The following FSD1L variants were observed in gnomAD, a reference collection of about 807,000 sequenced individuals.
The protein encoded by FSD1L is fibronectin type III and SPRY domain containing 1 like.
In FSD1L, 45 loss-of-function variants were observed where a neutral mutation model predicts 71.6. The observed-to-expected ratio is 0.63, with a 90% confidence interval of 0.49 to 0.81. The LOEUF is 0.81. Ranked by LOEUF, FSD1L falls within the 30% of genes least tolerant of loss-of-function variation. The probability of loss-of-function intolerance (pLI) is 0.00; values close to 1 mark genes in which losing one functional copy is unlikely to be tolerated. For synonymous variants in FSD1L, 197 were observed against 207.2 expected (o/e 0.95, Z 0.42); for missense variants, 561 against 618.1 (o/e 0.91, Z 0.98).
At chr9:105,505,904 A>T (rs779064951) in intron 7 of FSD1L, among the ~76,000 whole-genome samples, 1 of 152,244 alleles carries the variant, frequency 6.6e-6, no homozygotes, top group Non-Finnish European at 1.5e-5. Flanking sequence ...TATGTCTTTC[A>T]TGGAAAAGAA....
In FSD1L at chr9:105,522,861, G is replaced by A. The variant is rs962734120; in HGVS notation, c.1025+9925G>A. The A allele has an allele frequency of 4.4e-6, 7 of 1,607,910 alleles. No homozygotes were observed. The African/African-American group carries it at 6.7e-5, about 15-fold the overall frequency. The stretch of plus-strand genomic sequence containing the variant: ...TCCAGGCAGCCTGGAAATTCCCAAA[G>A]ACCTCCCTGATATTCTAAACAAGCA... On this transcript the variant is annotated intron_variant, in intron 10 of 13. Coordinates refer to ENST00000481272, the MANE Select transcript of FSD1L (RefSeq NM_001145313.3).
Position 105,512,944 on chromosome 9 carries a change from A to G in FSD1L, c.1025+8A>G, listed in dbSNP as rs1213140064. ...AAAAGAGAACAAGGGCAGGTAAGCT[A>G]GACCATTAAATCTGCCATATGGACA... On this transcript the variant is annotated splice_region_variant and intron_variant, in intron 10 of 13. Transcript: ENST00000481272. 2.6e-6 allele frequency: 4 copies of G among 1,512,352 alleles called. No individual in the cohort carries two copies. In the East Asian group the frequency reaches 7.5e-5, roughly 28 times the overall value. The allele number at this position is 1,512,352 out of a possible 1,614,324, so 93.7% of individuals were successfully genotyped here.
intron 1 of FSD1L, among the ~76,000 whole-genome samples, chr9:105,453,848 G>A (rs959491528): frequency 6.6e-6 from 1 of 152,086 alleles, no homozygotes; most frequent in African/African-American, 2.4e-5. Flanking sequence ...TCTTAGGGTG[G>A]AAAATATTTT....
chr9:105,536,799 G>A (rs1233111954), intron 12 of FSD1L, among the ~76,000 whole-genome samples: 14 of 151,968 alleles, frequency 9.2e-5, no homozygotes, highest in Admixed American at 9.2e-4. Flanking sequence ...ACCACGCCTG[G>A]CTAATTTTTG....
rs1332329846 is a variant in FSD1L at position 105,528,262 on chromosome 9, ACTTT to A, written c.1026-6227_1026-6224del. 3.3e-5 allele frequency among the ~76,000 whole-genome samples: 5 copies of A among 152,340 alleles called. No individual in the cohort carries two copies. In the East Asian group the frequency reaches 5.8e-4, roughly 18 times the overall value. On this transcript the variant is annotated intron_variant, in intron 10 of 13. Coordinates refer to ENST00000481272, the MANE Select transcript of FSD1L (RefSeq NM_001145313.3). The stretch of plus-strand genomic sequence containing the variant: ...CGCTATTCCCATCAAGCTACCATTG[ACTTT>A]CTTCACAGAATTGGAAAAAGCTACT...
At chr9:105,513,685 AT>A in intron 10 of FSD1L, 2 of 1,404,494 alleles carry the variant, frequency 1.4e-6, no homozygotes, top group Non-Finnish European at 1.9e-6. Context: ...AGCTTGGCTG[AT>A]TAAAAAAACT....
intron 1 of FSD1L, among the ~76,000 whole-genome samples, chr9:105,461,178 C>A (rs1425699498): frequency 1.3e-5 from 2 of 152,076 alleles, no homozygotes; most frequent in Admixed American, 6.5e-5. Context: ...AGGATCTCTG[C>A]CCTATTTCCA....
chr9:105,500,490 C>T (rs533119211), intron 7 of FSD1L, among the ~76,000 whole-genome samples: 31 of 152,252 alleles, frequency 2.0e-4, no homozygotes, highest in African/African-American at 7.0e-4. Context: ...TGGATATTTC[C>T]CTTTCCCCAG....
In FSD1L at chr9:105,486,587, G is replaced by A. The variant is rs1832563498; in HGVS notation, c.586+2085G>A. Among the ~76,000 whole-genome samples the A allele has an allele frequency of 2.0e-5, 3 of 152,080 alleles. No homozygotes were observed. The South Asian group carries it at 6.2e-4, about 31-fold the overall frequency. ...TGTTTAGAAGTCACATTAACCATAT[G>A]TCTCTACTTACCACCAGTATGACCC... On this transcript the variant is annotated intron_variant, in intron 7 of 13. Transcript: ENST00000481272.
chr9:105,447,583 C>T (rs575467740), upstream of FSD1L, among the ~76,000 whole-genome samples: 25 of 152,158 alleles, frequency 1.6e-4, no homozygotes, highest in Non-Finnish European at 3.2e-4. Context: ...GTTTCCGCCA[C>T]TCTCATCCCT....
intron 10 of FSD1L, chr9:105,522,898 G>A (rs1023335503): frequency 2.2e-5 from 35 of 1,609,054 alleles, no homozygotes; most frequent in East Asian, 1.8e-4. Flanking sequence ...AACCAGATGC[G>A]CCCTATTGAT....
At chr9:105,468,418 T>A in intron 4 of FSD1L, 94 bp downstream of exon 4, 1 of 944,798 alleles carries the variant, frequency 1.1e-6, no homozygotes, top group Non-Finnish European at 1.5e-6. Flanking sequence ...TAAGTATAAC[T>A]ATACCCTTAC....
At chr9:105,492,077 C>T (rs573387395) in intron 7 of FSD1L, among the ~76,000 whole-genome samples, 1 of 152,036 alleles carries the variant, frequency 6.6e-6, no homozygotes, top group South Asian at 2.1e-4. Flanking sequence ...GGAATGGTAC[C>T]AGTTCCTCCT....
At chr9:105,529,098 T>C (rs1044850687) in intron 10 of FSD1L, among the ~76,000 whole-genome samples, 3 of 152,162 alleles carry the variant, frequency 2.0e-5, no homozygotes, top group African/African-American at 4.8e-5. Flanking sequence ...AGAATGGCGA[T>C]CATGAAAAAG....
intron 7 of FSD1L, among the ~76,000 whole-genome samples, chr9:105,503,427 C>G (rs897434207): frequency 6.6e-6 from 1 of 152,140 alleles, no homozygotes; most frequent in Non-Finnish European, 1.5e-5. Context: ...ATGACAATTA[C>G]AAAGTCATTA....
chr9:105,541,898 C>T (rs1034194920), intron 13 of FSD1L, among the ~76,000 whole-genome samples: 11 of 152,174 alleles, frequency 7.2e-5, no homozygotes, highest in Non-Finnish European at 8.8e-5. Flanking sequence ...TGTAGCCTTT[C>T]GATTCCGTAC....
In FSD1L at chr9:105,549,236, A is replaced by T. The variant is rs1837168479; in HGVS notation, c.*2753A>T. On this transcript the variant is annotated 3_prime_UTR_variant, in exon 14 of 14. Coordinates refer to ENST00000481272, the MANE Select transcript of FSD1L (RefSeq NM_001145313.3). ...AGTTGTTTTCTAAAAACATGCATTT[A>T]GTATGGCATTCTCTTTTAGCAACTG... The T allele has an allele frequency of 6.6e-6, 1 of 152,098 alleles. No homozygotes were observed. The highest frequency in any genetic ancestry group is 2.4e-5 in the African/African-American group (1 of 41,446). The allele number at this position is 152,098 out of a possible 1,614,324, so 9.4% of individuals were successfully genotyped here.
chr9:105,489,856 A>T (rs1832805276), intron 7 of FSD1L, among the ~76,000 whole-genome samples: 1 of 152,234 alleles, frequency 6.6e-6, no homozygotes, highest in African/African-American at 2.4e-5. Flanking sequence ...ATGGCTGCGT[A>T]GTATTCCATG....
chr9:105,487,519 A>G (rs1024558862), intron 7 of FSD1L, among the ~76,000 whole-genome samples: 5 of 150,978 alleles, frequency 3.3e-5, no homozygotes, highest in Non-Finnish European at 7.4e-5. Context: ...CTTTTGTCAT[A>G]TTTTCATAAG....
Sources: gnomAD v4.1 joint callset for allele counts (sites outside exome capture counted in the v4.1 genomes callset) on GRCh38, gnomAD v4.1.1 for gene constraint, MANE v1.5 for transcripts, NCBI Gene and HGNC (gene_info 2026-07-23, HGNC 2026-07-21) for gene names.